The following SV2B variants were observed in gnomAD, a reference collection of about 807,000 sequenced individuals.
The protein encoded by SV2B is synaptic vesicle glycoprotein 2B.
In SV2B, 41 loss-of-function variants were observed where a neutral mutation model predicts 73.9. The observed-to-expected ratio is 0.56, with a 90% CI of 0.43 to 0.72. SV2B has a LOEUF of 0.72. Ranked by LOEUF, SV2B falls within the 30% of genes least tolerant of loss-of-function variation. The pLI, the probability that SV2B is intolerant of heterozygous loss-of-function variation, is 0.00. For synonymous variants in SV2B, 314 were observed against 314.2 expected (o/e 1.00, Z 0.01); for missense variants, 764 against 857.8 (o/e 0.89, Z 1.37).
chr15:91,184,796 C>G lies in SV2B; in HGVS notation c.-391-41077C>G, dbSNP rs1409689045. On this transcript the variant is annotated intron_variant, in intron 1 of 12. Coordinates refer to ENST00000394232, the MANE Select transcript of SV2B (RefSeq NM_001323032.3). ...CAGATGCAATTGACCTTCATCTTTT[C>G]AAATGCTGGTTTAAAAACTCTAAGT... Among the ~76,000 whole-genome samples, 4 of 152,196 alleles carry G rather than the reference C, an allele frequency of 2.6e-5. No homozygotes were observed. In the East Asian group the frequency reaches 7.7e-4, roughly 29 times the overall value.
rs1370651921 is a variant in SV2B at position 91,231,805 on chromosome 15, G to T, written c.451+5091G>T. Among the ~76,000 whole-genome samples the T allele has an allele frequency of 6.6e-6, 1 of 152,292 alleles. No homozygotes were observed. Among genetic ancestry groups the T allele is most frequent in the East Asian group, 1.9e-4 (1 of 5,182 alleles). On this transcript the variant is annotated intron_variant, in intron 2 of 12. Transcript: ENST00000394232. The surrounding 1 kb of genome is among the most constrained non-coding windows in gnomAD (Gnocchi z 4.5). Reference sequence around the variant, plus strand: ...ATTGGCTGTTAGTTTCTTGCCGTCTGCAGTGAAAAGACTCTGGGAGTTATA... The same window carrying T: ...ATTGGCTGTTAGTTTCTTGCCGTCTTCAGTGAAAAGACTCTGGGAGTTATA...
chr15:91,256,384 G>A (rs1368305535), intron 4 of SV2B, among the ~76,000 whole-genome samples: 1 of 152,136 alleles, frequency 6.6e-6, no homozygotes, highest in Non-Finnish European at 1.5e-5. Flanking sequence ...TGTATAATTT[G>A]TGCATATTAT....
intron 1 of SV2B, among the ~76,000 whole-genome samples, chr15:91,191,059 G>GTTTTTTTTTTTTTTTTT (rs1161482690): frequency 2.2e-4 from 13 of 59,710 alleles, no homozygotes; most frequent in Non-Finnish European, 3.5e-4. Flanking sequence ...TTTTTTTGGT[G>GTTTTTTTTTTTTTTTTT]TTTCTTTTTT....
In SV2B at chr15:91,105,444, A is replaced by G. The variant is rs539943012; in HGVS notation, c.-392+5081A>G. Among the ~76,000 whole-genome samples the G allele has an allele frequency of 3.9e-4, 59 of 152,310 alleles. No homozygotes were observed. The highest frequency in any genetic ancestry group is 1.2e-3 in the African/African-American group (50 of 41,576). ...CAACAGATAACTGGCATGTTCCAGG[A>G]ACAGCAAGGTGGCTTATGTAGAAGG... On this transcript the variant is annotated intron_variant, in intron 1 of 12. Transcript: ENST00000394232. This position sits in a 1 kb window ranked among gnomAD's most constrained non-coding sequence, Gnocchi z 5.5.
In SV2B at chr15:91,133,400, TG is replaced by T. The variant is rs1287778083; in HGVS notation, c.-392+33038del. The stretch of plus-strand genomic sequence containing the variant: ...TTTTTCTTCCTTTTCCTTTTTTTTT[TG>T]TTTTTGTTTTTTGGTTGAGGTTCTC... On this transcript the variant is annotated intron_variant, in intron 1 of 12. Transcript: ENST00000394232. 2.8e-3 allele frequency among the ~76,000 whole-genome samples: 432 copies of T among 152,168 alleles called. 2 individuals are homozygous for T. Among genetic ancestry groups the T allele is most frequent in the African/African-American group, 0.01 (420 of 41,464 alleles).
intron 9 of SV2B, among the ~76,000 whole-genome samples, chr15:91,279,285 C>T (rs907647002): frequency 5.3e-5 from 8 of 152,346 alleles, no homozygotes; most frequent in Non-Finnish European, 8.8e-5. Flanking sequence ...AAGCCTAACA[C>T]ATGTTGAATG....
intron 1 of SV2B, among the ~76,000 whole-genome samples, chr15:91,212,645 A>T (rs1354902321): frequency 6.6e-6 from 1 of 152,004 alleles, no homozygotes; most frequent in Admixed American, 6.6e-5. Context: ...TTGTAGAGGG[A>T]TGTTCTGGTA....
At chr15:91,211,525 T>C (rs1596593257) in intron 1 of SV2B, among the ~76,000 whole-genome samples, 1 of 149,572 alleles carries the variant, frequency 6.7e-6, no homozygotes, top group Non-Finnish European at 1.5e-5. Context: ...TTTTTTTTTG[T>C]TGGAGTCTCG....
chr15:91,255,295 C>A (rs914030138), intron 4 of SV2B, among the ~76,000 whole-genome samples: 5 of 152,120 alleles, frequency 3.3e-5, no homozygotes, highest in Non-Finnish European at 5.9e-5. Context: ...CTGACCACTG[C>A]GGGCTGACAG....
chr15:91,289,070 A>G lies in SV2B; in HGVS notation c.1709-451A>G, dbSNP rs186157949. The stretch of plus-strand genomic sequence containing the variant: ...CTTAGGTTGACTCCATATTTTGACT[A>G]TTGTGAATATTGCTACATTGAACAA... On this transcript the variant is annotated intron_variant, in intron 11 of 12. Transcript: ENST00000394232. This position sits in a 1 kb window ranked among gnomAD's most constrained non-coding sequence, Gnocchi z 4.9. Among the ~76,000 whole-genome samples the G allele has an allele frequency of 2.0e-5, 3 of 152,260 alleles. No individual in the cohort carries two copies. In the East Asian group the frequency reaches 5.8e-4, roughly 29 times the overall value.
intron 1 of SV2B, among the ~76,000 whole-genome samples, chr15:91,166,899 C>T (rs150485337): frequency 0.026 from 3,984 of 151,534 alleles, 207 homozygotes; most frequent in African/African-American, 0.091. Context: ...CTGCAAGCTC[C>T]GCCTTCTGGG....
chr15:91,216,846 A>G (rs908121186), intron 1 of SV2B, among the ~76,000 whole-genome samples: 10 of 148,714 alleles, frequency 6.7e-5, no homozygotes, highest in Non-Finnish European at 5.9e-5. Context: ...ATTCTGTCTC[A>G]TGGGCCATTT....
At position 91,267,482 on chromosome 15, in the gene SV2B, A is replaced by C; in HGVS notation, c.1120-73A>C. The C allele has an allele frequency of 7.6e-7, 1 of 1,315,134 alleles. No individual in the cohort carries two copies. Among genetic ancestry groups the C allele is most frequent in the Non-Finnish European group, 1.1e-6 (1 of 921,692 alleles). The allele number at this position is 1,315,134 out of a possible 1,614,324, so 81.5% of individuals were successfully genotyped here. ...AGGCAACTTATTAGAATATCTGAGT[A>C]ATGAGCTCTTCGTGGGAGAAACAAA... On this transcript the variant is annotated intron_variant, in intron 7 of 12. Transcript: ENST00000394232. This position sits in a 1 kb window ranked among gnomAD's most constrained non-coding sequence, Gnocchi z 4.3.
chr15:91,239,207 A>G lies in SV2B; in HGVS notation c.451+12493A>G, dbSNP rs1423452493. Reference sequence around the variant, plus strand: ...CGTGTGGGCTGGCCTGGCTGCTTGAATGTGTGGAGTGTACGCTTTCTGTTT... The same window carrying G: ...CGTGTGGGCTGGCCTGGCTGCTTGAGTGTGTGGAGTGTACGCTTTCTGTTT... On this transcript the variant is annotated intron_variant, in intron 2 of 12. Coordinates refer to ENST00000394232, the MANE Select transcript of SV2B (RefSeq NM_001323032.3). This position sits in a 1 kb window ranked among gnomAD's most constrained non-coding sequence, Gnocchi z 5.1. Among the ~76,000 whole-genome samples the G allele has an allele frequency of 1.3e-5, 2 of 152,070 alleles. No homozygotes were observed. The highest frequency in any genetic ancestry group is 2.9e-5 in the Non-Finnish European group (2 of 68,020).
At chr15:91,102,287 A>G (rs1303576373) in intron 1 of SV2B, 1 of 152,248 alleles carries the variant, frequency 6.6e-6, no homozygotes. Flanking sequence ...GTGCACTACA[A>G]GAAGCATGAG....
At chr15:91,116,668 T>C (rs555656551) in intron 1 of SV2B, among the ~76,000 whole-genome samples, 17 of 152,224 alleles carry the variant, frequency 1.1e-4, no homozygotes, top group Non-Finnish European at 2.2e-4. Context: ...CCTCAGCCCT[T>C]GCAGTCTGGT....
At chr15:91,104,593 G>GCAATCAAT (rs375748424) in intron 1 of SV2B, among the ~76,000 whole-genome samples, 1 of 152,148 alleles carries the variant, frequency 6.6e-6, no homozygotes, top group Non-Finnish European at 1.5e-5. Context: ...GAGACATTTT[G>GCAATCAAT]CAATCAATCA....
chr15:91,292,607 C>T lies in SV2B; in HGVS notation c.*55C>T, dbSNP rs867002943. 6.4e-7 allele frequency: 1 copy of T among 1,562,154 alleles called. No homozygotes were observed. Among genetic ancestry groups the T allele is most frequent in the Non-Finnish European group, 8.7e-7 (1 of 1,154,974 alleles). ...GAATCTTGTCCAGGACACTGAAATG[C>T]ATCCACACTTCCTGCCTATCACGGT... On this transcript the variant is annotated 3_prime_UTR_variant, in exon 13 of 13. Coordinates refer to ENST00000394232, the MANE Select transcript of SV2B (RefSeq NM_001323032.3).
intron 1 of SV2B, among the ~76,000 whole-genome samples, chr15:91,195,763 T>C (rs1258732597): frequency 6.6e-6 from 1 of 152,204 alleles, no homozygotes; most frequent in East Asian, 1.9e-4. Flanking sequence ...ATCCACCTTA[T>C]AGGTTGGTGA....
Sources: allele counts gnomAD v4.1 joint callset (sites outside exome capture counted in the v4.1 genomes callset), GRCh38; gene constraint gnomAD v4.1.1; non-coding constraint Gnocchi (gnomAD v3.1); transcripts MANE v1.5; gene names NCBI Gene and HGNC (gene_info 2026-07-23, HGNC 2026-07-21).